Variants in MYT1L observed in about 807,000 individuals in gnomAD.
The protein encoded by MYT1L is myelin transcription factor 1 like.
A neutral mutation model predicts 126.7 loss-of-function variants in MYT1L; 12 were observed. That is an observed-to-expected ratio of 0.09 (90% CI 0.06 to 0.15). The LOEUF (loss-of-function observed/expected upper bound fraction) is 0.15. MYT1L is among the 10% of genes least tolerant of loss of function. The pLI is 1.00. For synonymous variants in MYT1L, 541 were observed against 604.2 expected (o/e 0.90, Z 1.53); for missense variants, 979 against 1,585.2 (o/e 0.62, Z 6.49).
intron 3 of MYT1L, among the ~76,000 whole-genome samples, chr2:2,150,200 C>G (rs1486972253): frequency 2.6e-5 from 4 of 152,052 alleles, no homozygotes; most frequent in Admixed American, 2.0e-4. Context: ...CCTTTGAAGC[C>G]AAGTGAATGC....
intron 1 of MYT1L, among the ~76,000 whole-genome samples, chr2:2,302,442 C>T (rs1208203909): frequency 2.6e-5 from 4 of 152,284 alleles, no homozygotes; most frequent in Admixed American, 2.6e-4. Context: ...AAATGTGGGG[C>T]CACTTTTCCT....
chr2:1,986,667 C>T (rs1347512400), intron 5 of MYT1L, among the ~76,000 whole-genome samples: 1 of 152,166 alleles, frequency 6.6e-6, no homozygotes, highest in East Asian at 1.9e-4. Flanking sequence ...TGTACGATAA[C>T]AGCAGAGAAG....
intron 9 of MYT1L, among the ~76,000 whole-genome samples, chr2:1,935,578 T>C (rs1429970749): frequency 6.6e-6 from 1 of 152,176 alleles, no homozygotes; most frequent in Non-Finnish European, 1.5e-5. Context: ...TGCAACTTCT[T>C]TAAGCTTCAA....
intron 1 of MYT1L, among the ~76,000 whole-genome samples, chr2:2,298,728 G>A (rs933343141): frequency 7.2e-5 from 11 of 152,210 alleles, no homozygotes; most frequent in Non-Finnish European, 1.5e-4. Context: ...AGAAGCACAA[G>A]ACACGGCATG....
Position 1,979,582 on chromosome 2 carries a change from T to C in MYT1L, c.56-28A>G. ...GCAGAGAGATGGAAATAGATAAAAA[T>C]TTACCATCTATCACAAGCGACCCTC... On this transcript the variant is annotated intron_variant, in intron 6 of 24. Coordinates refer to ENST00000647738, the MANE Select transcript of MYT1L (RefSeq NM_001303052.2). The surrounding 1 kb of genome is among the most constrained non-coding windows in gnomAD (Gnocchi z 4.0). 6.2e-7 allele frequency: 1 copy of C among 1,611,300 alleles called. No homozygotes were observed. Among genetic ancestry groups the C allele is most frequent in the Non-Finnish European group, 8.5e-7 (1 of 1,177,676 alleles).
intron 18 of MYT1L, among the ~76,000 whole-genome samples, chr2:1,872,955 A>T (rs548740718): frequency 3.3e-5 from 5 of 152,288 alleles, no homozygotes; most frequent in Non-Finnish European, 7.4e-5. Context: ...GCTGAGGATC[A>T]CACAGCCTGT....
intron 1 of MYT1L, among the ~76,000 whole-genome samples, chr2:2,290,461 T>C (rs1478287708): frequency 2.0e-5 from 3 of 152,226 alleles, no homozygotes; most frequent in African/African-American, 7.2e-5. Flanking sequence ...ACACAGTTTG[T>C]ATAATTAAAG....
chr2:2,213,584 T>C (rs78173916), intron 2 of MYT1L, among the ~76,000 whole-genome samples: 15,578 of 152,220 alleles, frequency 0.1, 958 homozygotes, highest in South Asian at 0.19. Flanking sequence ...TGCTAAACCT[T>C]ATATTCACAG....
chr2:2,197,291 TA>T (rs1002928983), intron 2 of MYT1L, among the ~76,000 whole-genome samples: 4 of 152,176 alleles, frequency 2.6e-5, no homozygotes, highest in Non-Finnish European at 5.9e-5. Context: ...TACTATGAGA[TA>T]ATAATAAATG....
At chr2:1,935,019 C>A (rs1442786701) in intron 9 of MYT1L, among the ~76,000 whole-genome samples, 3 of 152,298 alleles carry the variant, frequency 2.0e-5, no homozygotes, top group South Asian at 4.2e-4. Context: ...CATATTTCAT[C>A]CGTGTCAAAG....
intron 2 of MYT1L, among the ~76,000 whole-genome samples, chr2:2,247,051 A>C (rs541770546): frequency 3.0e-4 from 46 of 152,286 alleles, no homozygotes; most frequent in Non-Finnish European, 4.9e-4. Flanking sequence ...TAATAATAGC[A>C]ATGAATGGAA....
intron 3 of MYT1L, among the ~76,000 whole-genome samples, chr2:2,148,546 T>C (rs566984611): frequency 1.9e-3 from 288 of 152,208 alleles, no homozygotes; most frequent in Admixed American, 4.6e-3. Context: ...AGGAAAGAGA[T>C]GAGTATAATA....
intron 18 of MYT1L, among the ~76,000 whole-genome samples, chr2:1,878,440 A>T (rs2047184772): frequency 6.6e-6 from 1 of 152,218 alleles, no homozygotes; most frequent in Admixed American, 6.5e-5. Flanking sequence ...GTTTGTTAGA[A>T]TGTAATTCTA....
chr2:2,164,594 T>C (rs1297860732), intron 3 of MYT1L, among the ~76,000 whole-genome samples: 2 of 152,188 alleles, frequency 1.3e-5, no homozygotes, highest in South Asian at 2.1e-4. Flanking sequence ...ATGCCTCACA[T>C]AGGGTAGCCA....
At chr2:1,942,915 C>T (rs207461443) in intron 9 of MYT1L, 67 bp downstream of exon 9, 20 of 1,458,772 alleles carry the variant, frequency 1.4e-5, no homozygotes, top group Non-Finnish European at 1.8e-5. Context: ...TAGTAACAGC[C>T]GGCAATTCAC....
At chr2:2,025,977 G>A (rs1574618820) in intron 4 of MYT1L, among the ~76,000 whole-genome samples, 1 of 152,236 alleles carries the variant, frequency 6.6e-6, no homozygotes, top group African/African-American at 2.4e-5. Flanking sequence ...AACATCCAGT[G>A]CCAAGTTCTC....
intron 2 of MYT1L, among the ~76,000 whole-genome samples, chr2:2,235,609 C>G (rs2094277009): frequency 6.6e-6 from 1 of 152,204 alleles, no homozygotes. Flanking sequence ...CTCTGGCCCT[C>G]ACATTGCATG....
chr2:1,839,573 C>T (rs1401014580), intron 20 of MYT1L, among the ~76,000 whole-genome samples: 1 of 152,218 alleles, frequency 6.6e-6, no homozygotes, highest in African/African-American at 2.4e-5. Context: ...TTCCCCTGCG[C>T]AGAAGGCCTG....
intron 3 of MYT1L, among the ~76,000 whole-genome samples, chr2:2,094,537 G>T (rs532944178): frequency 9.9e-5 from 15 of 152,170 alleles, no homozygotes; most frequent in Non-Finnish European, 5.9e-5. Flanking sequence ...GTCCAACAAT[G>T]ATAGACTGGA....
Sources: allele counts gnomAD v4.1 joint callset (sites outside exome capture counted in the v4.1 genomes callset), GRCh38; gene constraint gnomAD v4.1.1; non-coding constraint Gnocchi (gnomAD v3.1); transcripts MANE v1.5; gene names NCBI Gene and HGNC (gene_info 2026-07-23, HGNC 2026-07-21).